Variants in TMEM117 observed in about 807,000 individuals in gnomAD.
TMEM117 encodes the protein transmembrane protein 117.
TMEM117 carries 27 observed loss-of-function variants against 52.4 expected under a neutral mutation model. The observed-to-expected ratio is 0.51, with a 90% CI of 0.38 to 0.71. The LOEUF is 0.71. Ranked by LOEUF, TMEM117 falls within the 30% of genes least tolerant of loss-of-function variation. TMEM117 has a pLI of 0.00. For synonymous variants in TMEM117, 215 were observed against 206.3 expected, an observed-to-expected ratio of 1.04 and a Z score of -0.36; for missense variants, 556 against 630.5, an observed-to-expected ratio of 0.88 and a Z score of 1.26.
intron 5 of TMEM117, among the ~76,000 whole-genome samples, chr12:44,273,340 A>T (rs1396222712): frequency 6.6e-6 from 1 of 151,900 alleles, no homozygotes; most frequent in Non-Finnish European, 1.5e-5. Context: ...TGTTGTGCAC[A>T]TGTACCCTAG....
chr12:44,086,876 C>A (rs1326965060), intron 3 of TMEM117, among the ~76,000 whole-genome samples: 1 of 150,942 alleles, frequency 6.6e-6, no homozygotes, highest in East Asian at 1.9e-4. Context: ...CATCGGACAG[C>A]AAATGTGATG....
At chr12:44,271,532 A>G (rs1950445919) in intron 5 of TMEM117, among the ~76,000 whole-genome samples, 2 of 152,108 alleles carry the variant, frequency 1.3e-5, no homozygotes, top group African/African-American at 4.8e-5. Context: ...GTGATGCTAG[A>G]AAAACTGACA....
At chr12:44,334,623 G>A (rs1951315472) in intron 6 of TMEM117, among the ~76,000 whole-genome samples, 1 of 151,928 alleles carries the variant, frequency 6.6e-6, no homozygotes, top group Non-Finnish European at 1.5e-5. Flanking sequence ...GATTACTTAA[G>A]GTTTGGCTTA....
At chr12:44,225,957 T>A (rs1205567923) in intron 5 of TMEM117, among the ~76,000 whole-genome samples, 2 of 151,718 alleles carry the variant, frequency 1.3e-5, no homozygotes, top group Non-Finnish European at 2.9e-5. Flanking sequence ...TTACAATCAC[T>A]GTTGTATGAG....
At position 44,143,629 on chromosome 12, in the gene TMEM117, G is replaced by A. The variant is rs1349486765; in HGVS notation, c.510+5G>A. 6.2e-7 allele frequency: 1 copy of A among 1,607,842 alleles called. No individual in the cohort carries two copies. Among genetic ancestry groups the A allele is most frequent in the Non-Finnish European group, 8.5e-7 (1 of 1,176,038 alleles). ...GACTTTGTCACAGCTTGGATGGTAA[G>A]AAAATTTTAACTTCACCCATTTCAA... On this transcript the variant is annotated splice_donor_5th_base_variant and intron_variant, in intron 4 of 7. Coordinates refer to ENST00000266534, the MANE Select transcript of TMEM117 (RefSeq NM_032256.3).
intron 6 of TMEM117, among the ~76,000 whole-genome samples, chr12:44,361,327 G>T (rs985755031): frequency 3.3e-5 from 5 of 152,100 alleles, no homozygotes; most frequent in Non-Finnish European, 7.4e-5. Context: ...AGAATGATTG[G>T]TTAATTTACT....
the TMEM117 span, among the ~76,000 whole-genome samples, chr12:43,818,534 G>A: frequency 5.9e-5 from 9 of 151,774 alleles, no homozygotes; most frequent in South Asian, 2.1e-4. Context: ...TCCGCCTCCC[G>A]GGTTCAAGCA....
At chr12:43,960,944 A>C (rs1487820143) in intron 3 of TMEM117, among the ~76,000 whole-genome samples, 2 of 152,158 alleles carry the variant, frequency 1.3e-5, no homozygotes, top group Non-Finnish European at 2.9e-5. Context: ...TTAAGGTTGC[A>C]AAAAATCTTG....
In TMEM117 at chr12:44,105,850, C is replaced by T. The variant is rs1027179639; in HGVS notation, c.411-37675C>T. Among the ~76,000 whole-genome samples, 4 of 152,070 alleles carry T rather than the reference C, an allele frequency of 2.6e-5. No individual in the cohort carries two copies. In the East Asian group the frequency reaches 7.7e-4, roughly 29 times the overall value. ...GAAGAGCAGAGCGCTCTGTCATATT[C>T]CAAAAGGAGTGTTTTCCCCTGCTGA... On this transcript the variant is annotated intron_variant, in intron 3 of 7. Coordinates refer to ENST00000266534, the MANE Select transcript of TMEM117 (RefSeq NM_032256.3).
At chr12:43,795,826 T>A in the TMEM117 span, 1 of 1,480,252 alleles carries the variant, frequency 6.8e-7, no homozygotes, top group African/African-American at 1.4e-5. Flanking sequence ...TTCAGGTATA[T>A]GAATGCTCAC....
intron 5 of TMEM117, among the ~76,000 whole-genome samples, chr12:44,236,595 A>G (rs1949999909): frequency 6.6e-6 from 1 of 152,102 alleles, no homozygotes; most frequent in African/African-American, 2.4e-5. Flanking sequence ...CTAATATTTG[A>G]ACATTTTGAG....
At chr12:44,126,268 G>T (rs1374741668) in intron 3 of TMEM117, among the ~76,000 whole-genome samples, 1 of 152,054 alleles carries the variant, frequency 6.6e-6, no homozygotes, top group Non-Finnish European at 1.5e-5. Flanking sequence ...TTAGATTTTT[G>T]CAGTTTCTCT....
In TMEM117 at chr12:44,301,796, A is replaced by G. The variant is rs73086795; in HGVS notation, c.768+2057A>G. On this transcript the variant is annotated intron_variant, in intron 6 of 7. Transcript: ENST00000266534. ...AAAATGGCTACTGCCGACACCTCAG[A>G]GGGCAATCACCCTCTAGCTGTCAGG... is the stretch of plus-strand genomic sequence containing the variant. Among the ~76,000 whole-genome samples, 644 of 152,150 alleles carry G rather than the reference A, an allele frequency of 4.2e-3. 2 individuals carry two copies. The highest frequency in any genetic ancestry group is 0.01 in the Middle Eastern group (3 of 294).
intron 4 of TMEM117, among the ~76,000 whole-genome samples, chr12:44,151,367 TTATTA>T (rs1948722068): frequency 6.6e-6 from 1 of 151,756 alleles, no homozygotes; most frequent in African/African-American, 2.4e-5. Flanking sequence ...TTTTTCATTA[TTATTA>T]TTATACTTTA....
chr12:44,273,800 TGG>T (rs1360982753), intron 5 of TMEM117, among the ~76,000 whole-genome samples: 1 of 152,030 alleles, frequency 6.6e-6, no homozygotes, highest in Non-Finnish European at 1.5e-5. Context: ...CTCAAAAAAC[TGG>T]GTATAGAAGG....
At chr12:44,255,802 G>A (rs906695818) in intron 5 of TMEM117, among the ~76,000 whole-genome samples, 2 of 151,932 alleles carry the variant, frequency 1.3e-5, no homozygotes, top group Non-Finnish European at 1.5e-5. Context: ...TTCATTTTCC[G>A]CTATACCCTT....
the TMEM117 span, among the ~76,000 whole-genome samples, chr12:44,398,955 A>G: frequency 2.6e-4 from 39 of 152,308 alleles, no homozygotes; most frequent in African/African-American, 9.4e-4. Flanking sequence ...TGCCTCTCTC[A>G]GGATATATGA....
chr12:44,063,694 A>G (rs1947177569), intron 3 of TMEM117, among the ~76,000 whole-genome samples: 1 of 134,562 alleles, frequency 7.4e-6, no homozygotes, highest in South Asian at 2.3e-4. Context: ...TTCAATTCCC[A>G]CCTATGAGTG....
intron 2 of TMEM117, among the ~76,000 whole-genome samples, chr12:43,871,975 C>T (rs1463632057): frequency 6.6e-6 from 1 of 152,162 alleles, no homozygotes; most frequent in African/African-American, 2.4e-5. Context: ...CTCACTGCAG[C>T]TTTGACCCCC....
Sources: allele counts gnomAD v4.1 joint callset (sites outside exome capture counted in the v4.1 genomes callset), GRCh38; gene constraint gnomAD v4.1.1; transcripts MANE v1.5; gene names NCBI Gene and HGNC (gene_info 2026-07-23, HGNC 2026-07-21).